ADNP: variants seen among roughly 807,000 people sequenced by gnomAD.
The protein encoded by ADNP is activity-dependent neuroprotector homeobox protein.
A neutral mutation model predicts 84.9 loss-of-function variants in ADNP; 4 were observed. The observed-to-expected ratio is 0.05, with a 90% CI of 0.02 to 0.11. The LOEUF (loss-of-function observed/expected upper bound fraction) is 0.11. Among genes scored for constraint, ADNP ranks in the 10% least tolerant of loss-of-function variants. The pLI, the probability that ADNP is intolerant of heterozygous loss-of-function variation, is 1.00. For synonymous variants in ADNP, 554 were observed against 468.1 expected, an observed-to-expected ratio of 1.18 and a Z score of -2.37; for missense variants, 1,132 against 1,326.0, an observed-to-expected ratio of 0.85 and a Z score of 2.27.
At chr20:50,897,121 A>G (rs1170943738) in intron 5 of ADNP, among the ~76,000 whole-genome samples, 1 of 151,716 alleles carries the variant, frequency 6.6e-6, no homozygotes, top group Non-Finnish European at 1.5e-5. Flanking sequence ...TTGTATTTTT[A>G]GTAGAGACGG....
In ADNP at chr20:50,931,024, G is replaced by A. The variant is rs1215120176; in HGVS notation, c.-463C>T. 6.8e-6 allele frequency: 1 copy of A among 147,268 alleles called. No homozygotes were observed. Among genetic ancestry groups the A allele is most frequent in the Non-Finnish European group, 1.5e-5 (1 of 65,824 alleles). 9.1% of individuals were successfully genotyped at this position (147,268 alleles called of 1,614,324 possible). ...GCCGGGGGGCGCGGCGGGCGCAGCA[G>A]AGCGGCGGGCGGCGGCGGCGTCGTC... On this transcript the variant is annotated 5_prime_UTR_variant, in exon 1 of 6. Transcript: ENST00000621696.
chr20:50,912,423 T>C (rs536752403), intron 2 of ADNP, among the ~76,000 whole-genome samples: 3 of 152,326 alleles, frequency 2.0e-5, no homozygotes, highest in Admixed American at 6.5e-5. Context: ...GTGCTGGGAT[T>C]ACAGGTGTGA....
intron 5 of ADNP, among the ~76,000 whole-genome samples, chr20:50,898,267 A>G (rs748042344): frequency 5.3e-5 from 8 of 152,178 alleles, no homozygotes; most frequent in Non-Finnish European, 1.0e-4. Context: ...TATGTAATGA[A>G]TAACGATTCT....
At chr20:50,920,554 T>TAA (rs577700827) in intron 2 of ADNP, among the ~76,000 whole-genome samples, 18 of 129,838 alleles carry the variant, frequency 1.4e-4, no homozygotes, top group African/African-American at 5.2e-4. Flanking sequence ...TGGACTCCAT[T>TAA]AAAAAAAAAA....
chr20:50,922,941 G>A (rs749792870), intron 2 of ADNP, among the ~76,000 whole-genome samples: 13 of 152,030 alleles, frequency 8.6e-5, no homozygotes, highest in Non-Finnish European at 1.9e-4. Flanking sequence ...CCGGGGTATA[G>A]GGCCAACACC....
At chr20:50,914,404 C>CTTGGAT (rs1295594439) in intron 2 of ADNP, 1 of 529,320 alleles carries the variant, frequency 1.9e-6, no homozygotes, top group Non-Finnish European at 3.5e-6. Context: ...GGTTAAACAG[C>CTTGGAT]TTGGATTTCT....
At chr20:50,908,300 T>C (rs991978205) in intron 2 of ADNP, among the ~76,000 whole-genome samples, 2 of 152,208 alleles carry the variant, frequency 1.3e-5, no homozygotes, top group South Asian at 4.1e-4. Context: ...TTACCCTTTC[T>C]TGTGAGTGTT....
chr20:50,914,976 A>AT (rs34708353), intron 2 of ADNP, among the ~76,000 whole-genome samples: 1,670 of 149,356 alleles, frequency 0.011, 29 homozygotes, highest in African/African-American at 0.038. Context: ...GTACACGTGT[A>AT]TTTTTTTTTT....
At position 50,893,496 on chromosome 20, in the gene ADNP, C is replaced by T; in HGVS notation, c.1218G>A (p.Gln406=). 2 of 1,613,870 alleles carry T rather than the reference C, an allele frequency of 1.2e-6. No homozygotes were observed. The highest frequency in any genetic ancestry group is 1.7e-6 in the Non-Finnish European group (2 of 1,180,030). Residue 406 remains glutamine (Q), a synonymous_variant, in exon 6 of 6, where the codon CAG becomes CAA. Coordinates refer to ENST00000621696, the MANE Select transcript of ADNP (RefSeq NM_001282531.3). The surrounding 1 kb of genome is among the most constrained non-coding windows in gnomAD (Gnocchi z 4.4). The part of the protein sequence containing the change: ...SANASSLSSG[Q]LKSPSLSQSQ... ...ACTGAGAGAGGGAAGGAGACTTTAA[C>T]TGGCCCGATGAGAGAGAAGAGGCAT...
chr20:50,929,375 GGCTCTTTAAAAGAAGTAAAATCACT>G (rs1411328069), intron 1 of ADNP, among the ~76,000 whole-genome samples: 1 of 152,186 alleles, frequency 6.6e-6, no homozygotes, highest in African/African-American at 2.4e-5. Context: ...ATGCAGGGTG[GGCTCTTTAAAAGAAGTAAAATCACT>G]GCTCTTGACT....
At chr20:50,911,712 G>A (rs1021766793) in intron 2 of ADNP, among the ~76,000 whole-genome samples, 1 of 151,330 alleles carries the variant, frequency 6.6e-6, no homozygotes. Context: ...GTATTTTTAC[G>A]GGCAGAAAAA....
intron 2 of ADNP, among the ~76,000 whole-genome samples, chr20:50,926,153 A>C (rs1984277086): frequency 6.6e-6 from 1 of 152,244 alleles, no homozygotes; most frequent in Admixed American, 6.5e-5. Flanking sequence ...TTAAGTTTAT[A>C]CGATGCTAAT....
In ADNP at chr20:50,893,763, T is replaced by C; in HGVS notation, c.951A>G (p.Thr317=). 6.2e-7 allele frequency: 1 copy of C among 1,614,186 alleles called. No individual in the cohort carries two copies. ...LSIPKPNLNS[T]GVNMMSSVHL... ...GAACACTGGACATCATGTTGACTCC[T>C]GTAGAATTTAAGTTAGGCTTTGGTA... is the stretch of plus-strand genomic sequence containing the variant. The change falls in exon 6 of 6, where the codon ACA becomes ACG. Residue 317 remains threonine, a synonymous_variant. Coordinates refer to ENST00000621696, the MANE Select transcript of ADNP (RefSeq NM_001282531.3). The surrounding 1 kb of genome is among the most constrained non-coding windows in gnomAD (Gnocchi z 4.4).
chr20:50,906,817 G>A lies in ADNP; in HGVS notation c.-89-1968C>T, dbSNP rs562258744. On this transcript the variant is annotated intron_variant, in intron 2 of 5. Coordinates refer to ENST00000621696, the MANE Select transcript of ADNP (RefSeq NM_001282531.3). ...TATTTCAGCCACAGAGTTGGTGTTG[G>A]GTTTACTTATCTATTTTGAATTTAA... Among the ~76,000 whole-genome samples the A allele has an allele frequency of 2.0e-5, 3 of 152,040 alleles. No homozygotes were observed. In the South Asian group the frequency reaches 6.2e-4, roughly 32 times the overall value.
chr20:50,925,490 C>T (rs2123001967), intron 2 of ADNP, among the ~76,000 whole-genome samples: 1 of 152,220 alleles, frequency 6.6e-6, no homozygotes, highest in East Asian at 1.9e-4. Flanking sequence ...CATAATCATC[C>T]TCTCCTCACT....
At chr20:50,908,252 T>A (rs911085477) in intron 2 of ADNP, among the ~76,000 whole-genome samples, 1 of 148,264 alleles carries the variant, frequency 6.7e-6, no homozygotes, top group Non-Finnish European at 1.5e-5. Context: ...CTCTTATCCC[T>A]CCAGCCACGC....
rs936750488 is a variant in ADNP, at chr20:50,889,550, G to T, written c.*1855C>A. The T allele has an allele frequency of 8.2e-6, 2 of 243,958 alleles. No individual in the cohort carries two copies. Among genetic ancestry groups the T allele is most frequent in the Admixed American group, 5.6e-5 (1 of 17,936 alleles). 15.1% of individuals were successfully genotyped at this position (243,958 alleles called of 1,614,324 possible). A position where few individuals can be genotyped will look rare whatever the true frequency, so the allele number is the denominator to read the frequency against. On this transcript the variant is annotated 3_prime_UTR_variant, in exon 6 of 6. Coordinates refer to ENST00000621696, the MANE Select transcript of ADNP (RefSeq NM_001282531.3). Reference sequence around the variant, plus strand: ...TGTTGAGAAGCTTACATTTTAGGGAGAGGCTGGTCAAATCTCTACTCTCTG... The same window carrying T: ...TGTTGAGAAGCTTACATTTTAGGGATAGGCTGGTCAAATCTCTACTCTCTG...
rs1398087208 is a variant in ADNP, at chr20:50,893,538, G to A, written c.1176C>T (p.Tyr392=). 1.9e-6 allele frequency: 3 copies of A among 1,613,762 alleles called. No individual in the cohort carries two copies. The highest frequency in any genetic ancestry group is 1.3e-5 in the African/African-American group (1 of 74,898). The change falls in exon 6 of 6, where the codon TAC becomes TAT. Residue 392 remains tyrosine (Y), a synonymous_variant. Transcript: ENST00000621696. The surrounding 1 kb of genome is among the most constrained non-coding windows in gnomAD (Gnocchi z 4.4). ...AAGAGGCATTAGCAGACTGCAGGGA[G>A]TATCTTGCTGGTGCCTGGGACCTCT... is the stretch of plus-strand genomic sequence containing the variant. ...SEQRSQAPAR[Y]SLQSANASSL... is the part of the protein sequence containing the mutation.
chr20:50,930,461 G>A (rs943339781), intron 1 of ADNP, among the ~76,000 whole-genome samples: 34 of 43,414 alleles, frequency 7.8e-4, no homozygotes, highest in African/African-American at 3.3e-3. Flanking sequence ...GGTGGGGGGC[G>A]GACGGGATTA....
Sources: allele counts gnomAD v4.1 joint callset (sites outside exome capture counted in the v4.1 genomes callset), GRCh38; gene constraint gnomAD v4.1.1; non-coding constraint Gnocchi (gnomAD v3.1); transcripts MANE v1.5; gene names NCBI Gene and HGNC (gene_info 2026-07-23, HGNC 2026-07-21).